Variants in BLTP1 observed in about 807,000 individuals in gnomAD.
BLTP1 encodes fragile site-associated protein.
chr4:122,325,231 T>C, the BLTP1 span: 3 of 1,600,174 alleles, frequency 1.9e-6, no homozygotes, highest in Non-Finnish European at 2.6e-6. Context: ...TACTTGCAGT[T>C]CTCGAGTAGG....
the BLTP1 span, among the ~76,000 whole-genome samples, chr4:122,241,633 A>G: frequency 1.3e-5 from 2 of 152,210 alleles, no homozygotes; most frequent in Admixed American, 6.5e-5. Flanking sequence ...TTTGAATAAT[A>G]TGTATTGAAG....
chr4:122,177,380 C>T, the BLTP1 span, among the ~76,000 whole-genome samples: 1 of 152,126 alleles, frequency 6.6e-6, no homozygotes, highest in Non-Finnish European at 1.5e-5. Context: ...TAACTAGTCT[C>T]CCTGCTTCTG....
chr4:122,181,490 T>G, the BLTP1 span, among the ~76,000 whole-genome samples: 10 of 152,134 alleles, frequency 6.6e-5, no homozygotes, highest in Non-Finnish European at 1.3e-4. Context: ...AACTTCCTTC[T>G]TGGTTAACTG....
the BLTP1 span, chr4:122,346,113 T>C: frequency 1.3e-3 from 661 of 518,330 alleles, 4 homozygotes; most frequent in African/African-American, 0.012. Flanking sequence ...CTATAGAAAC[T>C]ATGGTAGAAG....
the BLTP1 span, chr4:122,312,912 TA>T: frequency 1.1e-6 from 1 of 875,372 alleles, no homozygotes; most frequent in Non-Finnish European, 1.4e-6. Flanking sequence ...TAGTTTCTTC[TA>T]AGGATGACTG....
chr4:122,322,471 G>A, the BLTP1 span, among the ~76,000 whole-genome samples: 2 of 151,978 alleles, frequency 1.3e-5, no homozygotes, highest in African/African-American at 4.8e-5. Flanking sequence ...AATCATAGTT[G>A]GTTTAAATTT....
the BLTP1 span, among the ~76,000 whole-genome samples, chr4:122,245,564 C>T: frequency 6.6e-6 from 1 of 152,216 alleles, no homozygotes; most frequent in South Asian, 2.1e-4. Context: ...AATCAAGTCA[C>T]TACTCTCATT....
At chr4:122,289,010 G>T in the BLTP1 span, 2 of 1,452,390 alleles carry the variant, frequency 1.4e-6, no homozygotes, top group Non-Finnish European at 9.3e-7. Flanking sequence ...TTTTTCCTCA[G>T]TTTAGGGTGA....
the BLTP1 span, chr4:122,190,529 G>T: frequency 1.3e-6 from 1 of 760,292 alleles, no homozygotes; most frequent in Non-Finnish European, 1.6e-6. Flanking sequence ...GAAAATATCT[G>T]AAAAATATCT....
the BLTP1 span, among the ~76,000 whole-genome samples, chr4:122,283,148 C>T: frequency 6.6e-6 from 1 of 151,932 alleles, no homozygotes; most frequent in Non-Finnish European, 1.5e-5. Context: ...TATTTTGTTA[C>T]ATTTTTTCTT....
At chr4:122,172,001 G>A in the BLTP1 span, 5 of 863,128 alleles carry the variant, frequency 5.8e-6, no homozygotes, top group South Asian at 2.7e-4. Flanking sequence ...GTGATTTATA[G>A]TAAAAATTTA....
At chr4:122,305,983 A>G in the BLTP1 span, 1 of 1,612,330 alleles carries the variant, frequency 6.2e-7, no homozygotes, top group Non-Finnish European at 8.5e-7. Context: ...TCAGATAGGG[A>G]AGCTGTGCTT....
the BLTP1 span, among the ~76,000 whole-genome samples, chr4:122,354,740 C>G: frequency 6.7e-6 from 1 of 149,898 alleles, no homozygotes; most frequent in Non-Finnish European, 1.5e-5. Flanking sequence ...GATCTTGGCT[C>G]ACTGCAACCT....
chr4:122,318,839 T>C, the BLTP1 span, among the ~76,000 whole-genome samples: 1 of 152,254 alleles, frequency 6.6e-6, no homozygotes, highest in Non-Finnish European at 1.5e-5. Flanking sequence ...TGTTAAGAGT[T>C]ATCGATTCAC....
the BLTP1 span, chr4:122,276,649 A>G: frequency 2.1e-6 from 2 of 961,542 alleles, no homozygotes; most frequent in Non-Finnish European, 2.5e-6. Flanking sequence ...TAATTATTAT[A>G]ATGTTAGAAA....
chr4:122,333,503 T>G, the BLTP1 span: 1 of 932,190 alleles, frequency 1.1e-6, no homozygotes, highest in Non-Finnish European at 1.5e-6. Flanking sequence ...GTAAATTTGT[T>G]TGAGTTCATT....
the BLTP1 span, among the ~76,000 whole-genome samples, chr4:122,268,017 T>A: frequency 6.6e-6 from 1 of 152,130 alleles, no homozygotes; most frequent in African/African-American, 2.4e-5. Flanking sequence ...TTAAATAATT[T>A]AACAAAAGTT....
the BLTP1 span, among the ~76,000 whole-genome samples, chr4:122,314,684 A>G: frequency 6.6e-6 from 1 of 152,164 alleles, no homozygotes; most frequent in Admixed American, 6.5e-5. Context: ...AAGTTACCTT[A>G]GAAAGCACCA....
the BLTP1 span, among the ~76,000 whole-genome samples, chr4:122,213,504 T>A: frequency 6.6e-6 from 1 of 152,078 alleles, no homozygotes; most frequent in Non-Finnish European, 1.5e-5. Flanking sequence ...AAAAATAAAA[T>A]GGGAATTTAA....
Sources: allele counts gnomAD v4.1 joint callset (sites outside exome capture counted in the v4.1 genomes callset), GRCh38; gene constraint gnomAD v4.1.1; transcripts MANE v1.5; gene names NCBI Gene and HGNC (gene_info 2026-07-23, HGNC 2026-07-21).